The following ADRA1A variants were observed in gnomAD, a reference collection of about 807,000 sequenced individuals.
ADRA1A encodes the protein alpha-1A adrenergic receptor.
In ADRA1A, 31 loss-of-function variants were observed where a neutral mutation model predicts 29.6. The observed-to-expected ratio is 1.05, with a 90% confidence interval of 0.79 to 1.41. The LOEUF (loss-of-function observed/expected upper bound fraction) is 1.41, where lower values mean the gene tolerates loss of function less well. ADRA1A is among the 40% of genes most tolerant of loss of function. ADRA1A has a pLI of 0.00. For synonymous variants in ADRA1A, 311 were observed against 254.3 expected (o/e 1.22, Z -2.12); for missense variants, 619 against 601.1 (o/e 1.03, Z -0.31).
rs1442887095 is a variant in ADRA1A at position 26,796,074 on chromosome 8, A to G, written c.884-25408T>C. Among the ~76,000 whole-genome samples, 1 of 152,160 alleles carries G rather than the reference A, an allele frequency of 6.6e-6. No individual in the cohort carries two copies. The highest frequency in any genetic ancestry group is 1.5e-5 in the Non-Finnish European group (1 of 68,004). On this transcript the variant is annotated intron_variant, in intron 2 of 2. Transcript: ENST00000380573. This position sits in a 1 kb window ranked among gnomAD's most constrained non-coding sequence, Gnocchi z 5.0. ...TTATTGTTATACATTTCAAAAAAAG[A>G]GTAATGTTTAGAAGTAAATAGTAAA...
At chr8:26,760,131 T>C (rs1037164989) in intron 2 of ADRA1A, among the ~76,000 whole-genome samples, 1 of 152,206 alleles carries the variant, frequency 6.6e-6, no homozygotes, top group Non-Finnish European at 1.5e-5. Context: ...GGATAAATGC[T>C]CCTCGCTTCT....
intron 2 of ADRA1A, among the ~76,000 whole-genome samples, chr8:26,836,875 G>C (rs13282250): frequency 0.17 from 26,370 of 152,146 alleles, 2,901 homozygotes; most frequent in Non-Finnish European, 0.25. Context: ...GAAGGGGAGT[G>C]CTTAGGTCCC....
intron 2 of ADRA1A, among the ~76,000 whole-genome samples, chr8:26,839,929 C>T (rs1811695080): frequency 1.3e-5 from 2 of 152,154 alleles, no homozygotes; most frequent in African/African-American, 4.8e-5. Flanking sequence ...GACCCTCGGT[C>T]CAGCCTCACA....
At chr8:26,838,731 A>C (rs891769290) in intron 2 of ADRA1A, among the ~76,000 whole-genome samples, 1 of 152,226 alleles carries the variant, frequency 6.6e-6, no homozygotes, top group Non-Finnish European at 1.5e-5. Flanking sequence ...CATTACTATC[A>C]AAAAAGTGGT....
At chr8:26,811,792 G>A (rs1346083719) in intron 2 of ADRA1A, among the ~76,000 whole-genome samples, 1 of 152,088 alleles carries the variant, frequency 6.6e-6, no homozygotes, top group African/African-American at 2.4e-5. Flanking sequence ...AGCTTAGTTC[G>A]ATCTGCTTTT....
downstream of ADRA1A, among the ~76,000 whole-genome samples, chr8:26,755,308 A>T (rs911860541): frequency 2.0e-5 from 3 of 152,098 alleles, no homozygotes; most frequent in African/African-American, 7.2e-5. Flanking sequence ...GCCAAGCCAA[A>T]CATGGTCACT....
chr8:26,819,371 C>T (rs1465164925), intron 2 of ADRA1A, among the ~76,000 whole-genome samples: 1 of 144,380 alleles, frequency 6.9e-6, no homozygotes, highest in Non-Finnish European at 1.5e-5. Context: ...ATATAAAACT[C>T]ACTTTTACTC....
At chr8:26,763,243 C>A (rs1406021812), downstream of ADRA1A, among the ~76,000 whole-genome samples, 1 of 152,164 alleles carries the variant, frequency 6.6e-6, no homozygotes, top group African/African-American at 2.4e-5. This position sits in a 1 kb window ranked among gnomAD's most constrained non-coding sequence, Gnocchi z 4.5. Context: ...GAGGCCTTCC[C>A]AAGGAGCCAA....
chr8:26,766,505 G>T (rs997301752), downstream of ADRA1A, among the ~76,000 whole-genome samples: 1 of 152,164 alleles, frequency 6.6e-6, no homozygotes, highest in Non-Finnish European at 1.5e-5. Flanking sequence ...CCTGCTCTTG[G>T]GTTTGACTGG....
chr8:26,822,600 T>C (rs936544907), intron 2 of ADRA1A, among the ~76,000 whole-genome samples: 3 of 152,216 alleles, frequency 2.0e-5, no homozygotes, highest in African/African-American at 7.2e-5. Flanking sequence ...TGAAAGACAT[T>C]GTAGTATACA....
downstream of ADRA1A, among the ~76,000 whole-genome samples, chr8:26,751,989 A>T (rs779902471): frequency 6.6e-6 from 1 of 152,160 alleles, no homozygotes; most frequent in Non-Finnish European, 1.5e-5. Context: ...GTTCAACAAC[A>T]TCATGTCGCT....
chr8:26,855,765 C>T (rs1813002256), intron 2 of ADRA1A, among the ~76,000 whole-genome samples: 1 of 152,130 alleles, frequency 6.6e-6, no homozygotes, highest in African/African-American at 2.4e-5. Context: ...AGAAAAGAAA[C>T]ATTCAAATAG....
intron 2 of ADRA1A, among the ~76,000 whole-genome samples, chr8:26,862,145 C>T (rs1234140183): frequency 6.6e-6 from 1 of 152,212 alleles, no homozygotes; most frequent in Non-Finnish European, 1.5e-5. Flanking sequence ...ACTGCCCCCT[C>T]CCTGTCTGTA....
At position 26,775,845 on chromosome 8, in the gene ADRA1A, A is replaced by G. The variant is rs952368667; in HGVS notation, c.884-5179T>C. On this transcript the variant is annotated intron_variant, in intron 2 of 2. Transcript: ENST00000380573. This position sits in a 1 kb window ranked among gnomAD's most constrained non-coding sequence, Gnocchi z 4.1. Reference sequence around the variant, plus strand: ...CCAAACACCATCAACATTCTCATTCATGGAGATTCAGAATCCTCACTTCCA... The same window carrying G: ...CCAAACACCATCAACATTCTCATTCGTGGAGATTCAGAATCCTCACTTCCA... 1.3e-5 allele frequency among the ~76,000 whole-genome samples: 2 copies of G among 152,214 alleles called. No homozygotes were observed. Among genetic ancestry groups the G allele is most frequent in the African/African-American group, 4.8e-5 (2 of 41,440 alleles).
intron 2 of ADRA1A, among the ~76,000 whole-genome samples, chr8:26,750,166 G>A (rs1804860218): frequency 6.6e-6 from 1 of 152,102 alleles, no homozygotes; most frequent in African/African-American, 2.4e-5. Flanking sequence ...ACCTCAGATA[G>A]CAGAAGGGAC....
intron 2 of ADRA1A, among the ~76,000 whole-genome samples, chr8:26,810,955 C>G (rs1407391141): frequency 6.6e-6 from 1 of 152,186 alleles, no homozygotes; most frequent in Non-Finnish European, 1.5e-5. Flanking sequence ...AGTCTTTCAT[C>G]ATTTCCCACA....
intron 2 of ADRA1A, chr8:26,859,263 A>T: frequency 8.9e-7 from 1 of 1,126,930 alleles, no homozygotes; most frequent in Non-Finnish European, 1.2e-6. Context: ...TGCATGAAAA[A>T]CATACTTAAG....
downstream of ADRA1A, among the ~76,000 whole-genome samples, chr8:26,755,310 A>T: frequency 6.6e-6 from 1 of 152,046 alleles, no homozygotes; most frequent in Non-Finnish European, 1.5e-5. Flanking sequence ...CAAGCCAAAC[A>T]TGGTCACTCT....
Position 26,865,063 on chromosome 8 carries a change from C to G in ADRA1A, c.-94G>C. The G allele has an allele frequency of 6.6e-7, 1 of 1,515,090 alleles. No homozygotes were observed. The highest frequency in any genetic ancestry group is 1.4e-5 in the African/African-American group (1 of 72,054). 93.9% of individuals were successfully genotyped at this position (1,515,090 alleles called of 1,614,324 possible). ...GCGCGGGAGCCGGGAATCAAAAGGT[C>G]TCGGCTGGAGGGAGCCCTGCCAGGT... On this transcript the variant is annotated 5_prime_UTR_variant, in exon 2 of 3. Coordinates refer to ENST00000380573, the MANE Select transcript of ADRA1A (RefSeq NM_000680.4). This position sits in a 1 kb window ranked among gnomAD's most constrained non-coding sequence, Gnocchi z 7.6.
Sources: allele counts gnomAD v4.1 joint callset (sites outside exome capture counted in the v4.1 genomes callset), GRCh38; gene constraint gnomAD v4.1.1; non-coding constraint Gnocchi (gnomAD v3.1); transcripts MANE v1.5; gene names NCBI Gene and HGNC (gene_info 2026-07-23, HGNC 2026-07-21).